TPTE: variants seen among roughly 807,000 people sequenced by gnomAD.
The protein encoded by TPTE is transmembrane phosphatase with tensin homology.
In TPTE, 59 loss-of-function variants were observed where a neutral mutation model predicts 84.1. That is an observed-to-expected ratio of 0.70 (90% CI 0.57 to 0.87). TPTE has a LOEUF of 0.87. Among genes scored for constraint, TPTE ranks in the 40% least tolerant of loss-of-function variants. The probability of loss-of-function intolerance (pLI) is 0.00; values close to 1 mark genes in which losing one functional copy is unlikely to be tolerated. For synonymous variants in TPTE, 130 were observed against 223.5 expected (o/e 0.58, Z 3.73); for missense variants, 382 against 659.6 (o/e 0.58, Z 4.61).
intron 7 of TPTE, among the ~76,000 whole-genome samples, chr21:10,548,553 T>A (rs2074514557): frequency 6.6e-6 from 1 of 152,308 alleles, no homozygotes; most frequent in Non-Finnish European, 1.5e-5. Flanking sequence ...TGTGCACACA[T>A]CCTGAGCTAG....
intron 19 of TPTE, among the ~76,000 whole-genome samples, chr21:10,595,388 T>A (rs2075562923): frequency 6.6e-6 from 1 of 152,310 alleles, no homozygotes; most frequent in Non-Finnish European, 1.5e-5. Context: ...AGCTCTTCAA[T>A]ACCTTGAAGA....
intron 7 of TPTE, among the ~76,000 whole-genome samples, chr21:10,546,713 G>A (rs2074474440): frequency 6.6e-6 from 1 of 152,424 alleles, no homozygotes; most frequent in South Asian, 2.1e-4. Context: ...ACCGGCCACA[G>A]CATTCCCTTA....
intron 2 of TPTE, among the ~76,000 whole-genome samples, chr21:10,525,381 A>G (rs1248636032): frequency 3.9e-5 from 6 of 152,300 alleles, no homozygotes; most frequent in African/African-American, 9.6e-5. Flanking sequence ...TGATCCTCAT[A>G]TGGTCCTATC....
chr21:10,558,115 A>G (rs1286723304), intron 8 of TPTE, among the ~76,000 whole-genome samples: 2 of 152,428 alleles, frequency 1.3e-5, no homozygotes, highest in East Asian at 1.9e-4. Context: ...ATAGTATTCC[A>G]TGGTATATAT....
intron 15 of TPTE, among the ~76,000 whole-genome samples, chr21:10,578,006 T>A (rs1320345144): frequency 1.3e-5 from 2 of 152,310 alleles, no homozygotes; most frequent in Non-Finnish European, 2.9e-5. Flanking sequence ...TCAATAGACA[T>A]TTTCAGGGGG....
intron 17 of TPTE, among the ~76,000 whole-genome samples, chr21:10,584,183 C>T (rs1173919445): frequency 1.3e-4 from 20 of 152,400 alleles, no homozygotes; most frequent in South Asian, 4.1e-4. Context: ...GTATAGAAAG[C>T]GTGCATATTT....
intron 2 of TPTE, among the ~76,000 whole-genome samples, chr21:10,526,175 C>T (rs565071533): frequency 6.6e-5 from 10 of 152,420 alleles, no homozygotes; most frequent in African/African-American, 2.4e-4. Flanking sequence ...TTTCCTGAGA[C>T]CTGGATGAAT....
chr21:10,588,272 G>T, intron 17 of TPTE, among the ~76,000 whole-genome samples: 1 of 152,272 alleles, frequency 6.6e-6, no homozygotes, highest in East Asian at 1.9e-4. Flanking sequence ...AGATGATCAT[G>T]TGGTTTCTGT....
intron 7 of TPTE, among the ~76,000 whole-genome samples, chr21:10,548,543 T>C (rs1162035436): frequency 6.6e-6 from 1 of 152,308 alleles, no homozygotes; most frequent in Non-Finnish European, 1.5e-5. Flanking sequence ...TGAGCAGCAG[T>C]GTGCACACAT....
intron 21 of TPTE, among the ~76,000 whole-genome samples, chr21:10,599,405 C>T (rs536030679): frequency 2.0e-4 from 30 of 151,614 alleles, no homozygotes; most frequent in Middle Eastern, 3.5e-3. Context: ...ATATTGCTCT[C>T]GTTGTGAAAA....
At chr21:10,604,637 A>G (rs1427916113) in intron 23 of TPTE, among the ~76,000 whole-genome samples, 1 of 152,302 alleles carries the variant, frequency 6.6e-6, no homozygotes, top group Non-Finnish European at 1.5e-5. Flanking sequence ...CATACAAACA[A>G]TAAGCTTTTT....
In TPTE at chr21:10,603,646, A is replaced by G; in HGVS notation, c.1520+14A>G. Reference sequence around the variant, plus strand: ...TGAAAATAACAGGTATGAATATAATAGAAACCCATAGAAACAGCCTAATCT... The same window carrying G: ...TGAAAATAACAGGTATGAATATAATGGAAACCCATAGAAACAGCCTAATCT... On this transcript the variant is annotated intron_variant, in intron 23 of 23. Coordinates refer to ENST00000618007, the MANE Select transcript of TPTE (RefSeq NM_199261.4). 1 of 1,608,060 alleles carries G rather than the reference A, an allele frequency of 6.2e-7. No individual in the cohort carries two copies. Among genetic ancestry groups the G allele is most frequent in the South Asian group, 1.1e-5 (1 of 90,594 alleles).
intron 7 of TPTE, among the ~76,000 whole-genome samples, chr21:10,549,668 A>T (rs1344423727): frequency 2.0e-5 from 3 of 152,306 alleles, no homozygotes; most frequent in Non-Finnish European, 4.4e-5. Flanking sequence ...AAAAAGAATG[A>T]AAAAAGCCTA....
chr21:10,549,066 T>C (rs1238112391), intron 7 of TPTE, among the ~76,000 whole-genome samples: 6 of 152,310 alleles, frequency 3.9e-5, no homozygotes, highest in Non-Finnish European at 8.8e-5. Context: ...CCACCATCAC[T>C]ACAAACTTCC....
chr21:10,541,524 G>C (rs1317159918), intron 5 of TPTE, among the ~76,000 whole-genome samples: 105 of 152,378 alleles, frequency 6.9e-4, no homozygotes, highest in South Asian at 6.2e-4. Context: ...CAGTGACAGA[G>C]AAAGAGACCG....
chr21:10,570,023 TCTGAGTCC>T (rs2075010355), intron 13 of TPTE, among the ~76,000 whole-genome samples: 1 of 152,312 alleles, frequency 6.6e-6, no homozygotes, highest in African/African-American at 2.4e-5. Flanking sequence ...AGTAGTTATT[TCTGAGTCC>T]CAGGGATCCC....
chr21:10,526,603 T>G (rs555352658), intron 2 of TPTE, among the ~76,000 whole-genome samples: 20 of 152,300 alleles, frequency 1.3e-4, no homozygotes, highest in Non-Finnish European at 1.0e-4. Flanking sequence ...AGTTAGAAAA[T>G]TGTGGTGAAG....
intron 6 of TPTE, 28 bp from the exon 7 acceptor site, chr21:10,543,301 C>G: frequency 6.2e-7 from 1 of 1,611,926 alleles, no homozygotes; most frequent in South Asian, 1.1e-5. Flanking sequence ...CAAAGTGCTG[C>G]TGACTGTATT....
At chr21:10,576,021 T>G (rs1430302123) in intron 14 of TPTE, among the ~76,000 whole-genome samples, 3 of 152,308 alleles carry the variant, frequency 2.0e-5, no homozygotes, top group African/African-American at 7.2e-5. Context: ...GTGTGGCAAT[T>G]CCTCAAAGAC....
Sources: allele counts gnomAD v4.1 joint callset (sites outside exome capture counted in the v4.1 genomes callset), GRCh38; gene constraint gnomAD v4.1.1; transcripts MANE v1.5; gene names NCBI Gene and HGNC (gene_info 2026-07-23, HGNC 2026-07-21).